The following KCNB2 variants were observed in gnomAD, a reference collection of about 807,000 sequenced individuals.
KCNB2 encodes the protein delayed rectifier potassium channel protein.
Under a neutral mutation model 61.5 loss-of-function variants are expected in KCNB2, and 15 were observed. That is an observed-to-expected ratio of 0.24 (90% CI 0.16 to 0.38). KCNB2 has a LOEUF of 0.38. Ranked by LOEUF, KCNB2 falls within the 10% of genes least tolerant of loss-of-function variation. The pLI, the probability that KCNB2 is intolerant of heterozygous loss-of-function variation, is 1.00. For synonymous variants in KCNB2, 457 were observed against 446.0 expected (o/e 1.02, Z -0.31); for missense variants, 828 against 1,125.2 (o/e 0.74, Z 3.78).
chr8:72,648,965 GTTTT>G (rs1288197825), intron 2 of KCNB2, among the ~76,000 whole-genome samples: 1 of 151,296 alleles, frequency 6.6e-6, no homozygotes, highest in Non-Finnish European at 1.5e-5. Context: ...CATTGTGCAA[GTTTT>G]TTTATTTTTT....
chr8:72,770,469 A>G (rs1563380167), intron 2 of KCNB2, among the ~76,000 whole-genome samples: 1 of 152,216 alleles, frequency 6.6e-6, no homozygotes, highest in Non-Finnish European at 1.5e-5. Flanking sequence ...GTCCCTAAAC[A>G]TTGCAAGAGA....
At chr8:72,672,764 T>A (rs1164839666) in intron 2 of KCNB2, among the ~76,000 whole-genome samples, 1 of 152,172 alleles carries the variant, frequency 6.6e-6, no homozygotes, top group East Asian at 1.9e-4. Flanking sequence ...TCTTCCTGAC[T>A]CCTAGATAAG....
chr8:72,938,266 T>TGG lies in KCNB2; in HGVS notation c.*176_*177insGG, dbSNP rs1245602151. 1.7e-6 allele frequency: 1 copy of TGG among 578,202 alleles called. No individual in the cohort carries two copies. Among genetic ancestry groups the TGG allele is most frequent in the Non-Finnish European group, 3.0e-6 (1 of 328,344 alleles). 35.8% of individuals were successfully genotyped at this position (578,202 alleles called of 1,614,324 possible). A position where few individuals can be genotyped will look rare whatever the true frequency, so the allele number is the denominator to read the frequency against. Reference sequence around the variant, plus strand: ...TTTAGCTTAAGTACTGTTTAAATAATGAGTCAAGACTGCATTTTGTAACAA... The same window carrying TGG: ...TTTAGCTTAAGTACTGTTTAAATAATGGGAGTCAAGACTGCATTTTGTAACAA... On this transcript the variant is annotated 3_prime_UTR_variant, in exon 3 of 3. Transcript: ENST00000523207.
chr8:72,795,336 C>T, intron 2 of KCNB2, among the ~76,000 whole-genome samples: 1 of 152,164 alleles, frequency 6.6e-6, no homozygotes, highest in Non-Finnish European at 1.5e-5. Context: ...CTAGAAATTT[C>T]AATCCGTAAA....
At chr8:72,813,199 T>G (rs915039990) in intron 2 of KCNB2, among the ~76,000 whole-genome samples, 1 of 151,966 alleles carries the variant, frequency 6.6e-6, no homozygotes, top group Non-Finnish European at 1.5e-5. Flanking sequence ...ATAAAGAGAG[T>G]AGGAAACCGT....
At chr8:72,789,988 G>A (rs1317362803) in intron 2 of KCNB2, among the ~76,000 whole-genome samples, 1 of 152,128 alleles carries the variant, frequency 6.6e-6, no homozygotes, top group Non-Finnish European at 1.5e-5. Flanking sequence ...CTGACTCCCA[G>A]GTTCCTAGTT....
At chr8:72,727,075 C>A (rs1457337970) in intron 2 of KCNB2, among the ~76,000 whole-genome samples, 1 of 152,038 alleles carries the variant, frequency 6.6e-6, no homozygotes, top group African/African-American at 2.4e-5. Flanking sequence ...ATTAAAAAGA[C>A]TAGTAAGCTA....
chr8:72,750,861 C>T (rs1808177099), intron 2 of KCNB2: 1 of 152,050 alleles, frequency 6.6e-6, no homozygotes, highest in African/African-American at 2.4e-5. Context: ...TTATAAAAAT[C>T]AAATGATATC....
intron 2 of KCNB2, among the ~76,000 whole-genome samples, chr8:72,642,055 T>C (rs1806064631): frequency 6.6e-6 from 1 of 152,052 alleles, no homozygotes. Context: ...TTTCATTAAG[T>C]AGGATTTAGT....
chr8:72,798,650 TC>T (rs1809070870), intron 2 of KCNB2, among the ~76,000 whole-genome samples: 1 of 152,120 alleles, frequency 6.6e-6, no homozygotes, highest in African/African-American at 2.4e-5. Context: ...CCTGGCTCAT[TC>T]CCACCTCCCA....
intron 2 of KCNB2, among the ~76,000 whole-genome samples, chr8:72,932,302 T>C (rs569013967): frequency 6.6e-6 from 1 of 152,340 alleles, no homozygotes; most frequent in Non-Finnish European, 1.5e-5. Flanking sequence ...TGTGCATTCA[T>C]CTAAAGACAT....
At chr8:72,748,609 G>GTTTTTTTTTTT (rs758100543) in intron 2 of KCNB2, among the ~76,000 whole-genome samples, 2 of 91,798 alleles carry the variant, frequency 2.2e-5, no homozygotes, top group African/African-American at 8.9e-5. Flanking sequence ...TTTTTTTTTT[G>GTTTTTTTTTTT]TTGTTTTTTT....
intron 2 of KCNB2, among the ~76,000 whole-genome samples, chr8:72,886,684 C>T (rs1248047349): frequency 9.9e-5 from 15 of 152,240 alleles, no homozygotes; most frequent in African/African-American, 3.6e-4. Context: ...CTCGACACTA[C>T]GTAATTTCCC....
intron 2 of KCNB2, among the ~76,000 whole-genome samples, chr8:72,903,199 G>A (rs187153134): frequency 2.0e-5 from 3 of 152,202 alleles, no homozygotes; most frequent in Non-Finnish European, 2.9e-5. Context: ...GTGAGGACAA[G>A]TGGTTTATTT....
intron 2 of KCNB2, among the ~76,000 whole-genome samples, chr8:72,924,920 C>G (rs1287250716): frequency 6.6e-6 from 1 of 152,192 alleles, no homozygotes; most frequent in Non-Finnish European, 1.5e-5. Flanking sequence ...ATCACGCAAG[C>G]TCTCTGCAGT....
At chr8:72,780,111 G>C (rs189733360) in intron 2 of KCNB2, among the ~76,000 whole-genome samples, 10 of 152,206 alleles carry the variant, frequency 6.6e-5, no homozygotes, top group Admixed American at 6.5e-4. Context: ...GTGGAATCTA[G>C]TGGTTCACAC....
At chr8:72,688,064 C>G (rs1806881481) in intron 2 of KCNB2, among the ~76,000 whole-genome samples, 1 of 152,158 alleles carries the variant, frequency 6.6e-6, no homozygotes. Context: ...AGCCTGGAAA[C>G]CTGAGAGGCA....
intron 2 of KCNB2, among the ~76,000 whole-genome samples, chr8:72,856,485 G>C (rs992621299): frequency 2.0e-5 from 3 of 152,118 alleles, no homozygotes; most frequent in Admixed American, 6.6e-5. Flanking sequence ...ATCAATAGGG[G>C]CCTCATCGAA....
At position 72,781,546 on chromosome 8, in the gene KCNB2, C is replaced by G. The variant is rs369223002; in HGVS notation, c.580-154389C>G. Among the ~76,000 whole-genome samples the G allele has an allele frequency of 8.8e-4, 134 of 152,210 alleles. 2 individuals carry two copies. In the South Asian group the frequency reaches 0.027, roughly 30 times the overall value. On this transcript the variant is annotated intron_variant, in intron 2 of 2. Transcript: ENST00000523207. ...GGGTGTGCAGTCTTATTTCTGAGAT[C>G]TCTATTCTGTTCCATAGGTCTATGT... is the stretch of plus-strand genomic sequence containing the variant.
Sources: gnomAD v4.1 joint callset for allele counts (sites outside exome capture counted in the v4.1 genomes callset) on GRCh38, gnomAD v4.1.1 for gene constraint, MANE v1.5 for transcripts, NCBI Gene and HGNC (gene_info 2026-07-23, HGNC 2026-07-21) for gene names.